GPAT3: variants seen among roughly 807,000 people sequenced by gnomAD.
GPAT3 encodes the protein glycerol-3-phosphate acyltransferase 3, also known as 1-AGP acyltransferase 9.
A neutral mutation model predicts 58.8 loss-of-function variants in GPAT3; 53 were observed. The observed-to-expected ratio is 0.90, with a 90% CI of 0.72 to 1.13. GPAT3 has a LOEUF of 1.13. Ranked by LOEUF, GPAT3 falls within the 50% of genes most tolerant of loss-of-function variation. The pLI is 0.00. For missense variants in GPAT3, 511 were observed against 527.6 expected (o/e 0.97, Z 0.31); for synonymous variants, 197 against 187.4 (o/e 1.05, Z -0.42).
At chr4:83,587,942 C>T (rs1403286535) in intron 4 of GPAT3, among the ~76,000 whole-genome samples, 2 of 152,104 alleles carry the variant, frequency 1.3e-5, no homozygotes, top group Non-Finnish European at 2.9e-5. Context: ...CACTTTATCT[C>T]GTTCAGGAAT....
intron 2 of GPAT3, among the ~76,000 whole-genome samples, chr4:83,576,032 C>T (rs1298297012): frequency 6.6e-6 from 1 of 152,302 alleles, no homozygotes; most frequent in Admixed American, 6.5e-5. Context: ...ATGTATATAT[C>T]CTTCATACAT....
intron 2 of GPAT3, among the ~76,000 whole-genome samples, chr4:83,579,080 TC>T (rs1333318182): frequency 0.054 from 1,391 of 25,668 alleles, 128 homozygotes; most frequent in Non-Finnish European, 0.061. Flanking sequence ...CTTTCTTTCT[TC>T]CCTTCCTTCC....
chr4:83,578,916 T>TTC (rs1337245315), intron 2 of GPAT3, among the ~76,000 whole-genome samples: 4 of 74,412 alleles, frequency 5.4e-5, no homozygotes, highest in South Asian at 6.4e-4. Flanking sequence ...CTTTTTTCTT[T>TTC]TTTCTTTTCT....
chr4:83,549,471 G>GTA (rs57866394), intron 2 of GPAT3, among the ~76,000 whole-genome samples: 4 of 99,024 alleles, frequency 4.0e-5, no homozygotes, highest in Admixed American at 1.0e-4. Context: ...GTGTGTGTAT[G>GTA]TATATATATA....
intron 2 of GPAT3, among the ~76,000 whole-genome samples, chr4:83,579,523 C>T (rs1442887319): frequency 2.0e-5 from 3 of 151,936 alleles, no homozygotes; most frequent in Non-Finnish European, 4.4e-5. Context: ...AACTCTTGGG[C>T]TCAAGTGATC....
intron 7 of GPAT3, among the ~76,000 whole-genome samples, chr4:83,595,521 A>G (rs1726788854): frequency 6.6e-6 from 1 of 152,142 alleles, no homozygotes; most frequent in Non-Finnish European, 1.5e-5. Context: ...CAGGAGTTCA[A>G]GACCAGCCTG....
intron 2 of GPAT3, among the ~76,000 whole-genome samples, chr4:83,569,051 A>C (rs557224022): frequency 3.9e-5 from 6 of 152,338 alleles, no homozygotes; most frequent in Admixed American, 6.5e-5. Context: ...TGGTTCTCTC[A>C]TCTTAAGTAT....
intron 2 of GPAT3, among the ~76,000 whole-genome samples, chr4:83,574,964 C>T (rs1316774401): frequency 1.3e-5 from 2 of 150,088 alleles, no homozygotes; most frequent in African/African-American, 4.9e-5. Context: ...CAGGCTCCGC[C>T]CCCTGGGGTT....
intron 2 of GPAT3, among the ~76,000 whole-genome samples, chr4:83,545,296 C>G (rs1013759764): frequency 1.3e-5 from 2 of 152,066 alleles, no homozygotes; most frequent in Admixed American, 6.6e-5. Flanking sequence ...CAAAAATTAG[C>G]TGAGTGTGGT....
intron 11 of GPAT3, among the ~76,000 whole-genome samples, chr4:83,600,828 A>C (rs1727029803): frequency 6.6e-6 from 1 of 152,158 alleles, no homozygotes; most frequent in South Asian, 2.1e-4. Flanking sequence ...ATTTACATAC[A>C]GGATGTTAAA....
intron 2 of GPAT3, among the ~76,000 whole-genome samples, chr4:83,579,311 C>A (rs1268054349): frequency 9.1e-6 from 1 of 109,616 alleles, no homozygotes; most frequent in Non-Finnish European, 1.8e-5. Context: ...CCCTCCTCTT[C>A]CCTTTCCATC....
At position 83,581,492 on chromosome 4, in the gene GPAT3, T is replaced by A. The variant is rs962391604; in HGVS notation, c.209-70T>A. The A allele has an allele frequency of 1.8e-5, 27 of 1,513,914 alleles. No homozygotes were observed. In the African/African-American group the frequency reaches 3.1e-4, roughly 17 times the overall value. The allele number at this position is 1,513,914 out of a possible 1,614,324, so 93.8% of individuals were successfully genotyped here. ...TTTGGCATATTTAACTTCTACACAG[T>A]TAAAGTTGCCCTTTTGGTCAATTCT... On this transcript the variant is annotated intron_variant, in intron 2 of 11. Coordinates refer to ENST00000264409, the MANE Select transcript of GPAT3 (RefSeq NM_032717.5).
In GPAT3 at chr4:83,598,787, T is replaced by A. The variant is rs1383967321; in HGVS notation, c.1205+64T>A. On this transcript the variant is annotated intron_variant, in intron 11 of 11. Transcript: ENST00000264409. ...TTTTTTTTTTTTTTTTTTTTTTTTTTAGAGAATGCCTCACTCTTTTACCCA... is the reference window on the plus strand; with the variant it reads ...TTTTTTTTTTTTTTTTTTTTTTTTTAAGAGAATGCCTCACTCTTTTACCCA... The A allele has an allele frequency of 5.9e-6, 6 of 1,013,030 alleles. No homozygotes were observed. In the East Asian group the frequency reaches 9.9e-5, roughly 17 times the overall value. The allele number at this position is 1,013,030 out of a possible 1,614,324, so 62.8% of individuals were successfully genotyped here.
chr4:83,599,556 T>A (rs1388379339), intron 11 of GPAT3, among the ~76,000 whole-genome samples: 1 of 152,120 alleles, frequency 6.6e-6, no homozygotes, highest in Admixed American at 6.6e-5. Context: ...GGGAATGGAT[T>A]TGTGAGTGGG....
chr4:83,546,476 C>T (rs1009437480), intron 2 of GPAT3, among the ~76,000 whole-genome samples: 5 of 150,308 alleles, frequency 3.3e-5, no homozygotes, highest in Non-Finnish European at 7.4e-5. Flanking sequence ...CAAATATCTG[C>T]TTTTTCTGTT....
intron 11 of GPAT3, among the ~76,000 whole-genome samples, chr4:83,603,790 C>CAAAAA (rs58399873): frequency 5.0e-5 from 6 of 120,652 alleles, no homozygotes; most frequent in East Asian, 2.4e-4. Context: ...AACTCTGTCT[C>CAAAAA]AAAAAAAAAA....
intron 2 of GPAT3, among the ~76,000 whole-genome samples, chr4:83,562,328 C>T (rs555926207): frequency 4.7e-5 from 7 of 148,788 alleles, no homozygotes; most frequent in Non-Finnish European, 7.4e-5. Flanking sequence ...TGCAGGTTTA[C>T]GTCAAATCCT....
At position 83,544,414 on chromosome 4, in the gene GPAT3, G is replaced by C. The variant is rs1316983473; in HGVS notation, c.142-122G>C. 5.3e-6 allele frequency: 5 copies of C among 945,830 alleles called. No individual in the cohort carries two copies. The African/African-American group carries it at 8.1e-5, about 15-fold the overall frequency. The allele number at this position is 945,830 out of a possible 1,614,324, so 58.6% of individuals were successfully genotyped here. A position where few individuals can be genotyped will look rare whatever the true frequency, so the allele number is the denominator to read the frequency against. On this transcript the variant is annotated intron_variant, in intron 1 of 11. Transcript: ENST00000264409. ...CTATATCAGAGATTCCCTGGGGTTA[G>C]CTCTTTAGTTCAGACACTGCCAGAG...
At chr4:83,595,850 T>C (rs1347453656) in intron 7 of GPAT3, among the ~76,000 whole-genome samples, 1 of 152,180 alleles carries the variant, frequency 6.6e-6, no homozygotes, top group African/African-American at 2.4e-5. Context: ...GAAGGCACAT[T>C]GGTTATCGCT....
Sources: allele counts gnomAD v4.1 joint callset (sites outside exome capture counted in the v4.1 genomes callset), GRCh38; gene constraint gnomAD v4.1.1; transcripts MANE v1.5; gene names NCBI Gene and HGNC (gene_info 2026-07-23, HGNC 2026-07-21).